The following TBCD variants were observed in gnomAD, a reference collection of about 807,000 sequenced individuals.
The protein encoded by TBCD is tubulin folding cofactor D.
TBCD carries 105 observed loss-of-function variants against 169.3 expected under a neutral mutation model. The observed-to-expected ratio is 0.62, with a 90% CI of 0.53 to 0.73. The LOEUF is 0.73. Ranked by LOEUF, TBCD falls within the 30% of genes least tolerant of loss-of-function variation. TBCD has a pLI of 0.00. For missense variants in TBCD, 1,444 were observed against 1,600.1 expected, an observed-to-expected ratio of 0.90 and a Z score of 1.66; for synonymous variants, 700 against 643.9, an observed-to-expected ratio of 1.09 and a Z score of -1.32.
intron 34 of TBCD, 149 bp downstream of exon 34, chr17:82,932,884 A>C: frequency 1.5e-6 from 1 of 688,734 alleles, no homozygotes; most frequent in East Asian, 2.7e-5. Flanking sequence ...AAATACCGTC[A>C]TCACAGCTGG....
intron 22 of TBCD, among the ~76,000 whole-genome samples, chr17:82,910,566 T>G (rs1333232715): frequency 6.6e-6 from 1 of 152,032 alleles, no homozygotes; most frequent in East Asian, 1.9e-4. Context: ...TCTTTTCTCT[T>G]AGTGACTTTT....
intron 9 of TBCD, among the ~76,000 whole-genome samples, chr17:82,804,738 C>T (rs906008380): frequency 9.2e-5 from 14 of 152,174 alleles, no homozygotes; most frequent in Non-Finnish European, 4.4e-5. Context: ...TCTCACCAGA[C>T]TCTGCGTATT....
intron 37 of TBCD, among the ~76,000 whole-genome samples, chr17:82,940,221 G>GCGCGCA (rs1356825330): frequency 3.2e-4 from 42 of 131,700 alleles, no homozygotes; most frequent in African/African-American, 9.7e-4. Flanking sequence ...TTGCACGCGC[G>GCGCGCA]CACACACACA....
At chr17:82,815,261 A>G (rs11871918) in intron 13 of TBCD, among the ~76,000 whole-genome samples, 1 of 152,200 alleles carries the variant, frequency 6.6e-6, no homozygotes, top group Non-Finnish European at 1.5e-5. Context: ...TTGGAGGGCC[A>G]CGAATCCTTG....
rs534910263 is a variant in TBCD, at chr17:82,845,319, C to A, written c.1319-24905C>A. The stretch of plus-strand genomic sequence containing the variant: ...CTCCGTCCATCCTGTCCGGCCTGGC[C>A]CCTTCCTCTCTGTCCTGTCTGGCCT... On this transcript the variant is annotated intron_variant, in intron 13 of 38. Coordinates refer to ENST00000355528, the MANE Select transcript of TBCD (RefSeq NM_005993.5). Among the ~76,000 whole-genome samples, 4 of 150,660 alleles carry A rather than the reference C, an allele frequency of 2.7e-5. No homozygotes were observed. In the South Asian group the frequency reaches 6.3e-4, roughly 24 times the overall value.
In TBCD at chr17:82,890,422, C is replaced by A. The variant is rs2059049208; in HGVS notation, c.1563+725C>A. 6.6e-6 allele frequency among the ~76,000 whole-genome samples: 1 copy of A among 152,110 alleles called. No homozygotes were observed. On this transcript the variant is annotated intron_variant, in intron 16 of 38. Coordinates refer to ENST00000355528, the MANE Select transcript of TBCD (RefSeq NM_005993.5). This position sits in a 1 kb window ranked among gnomAD's most constrained non-coding sequence, Gnocchi z 5.3. The stretch of plus-strand genomic sequence containing the variant: ...AATGCAGCCGGGGTCTGGGCTGTGG[C>A]CAGGTGGTGTGGGGCGGCATGGGGT...
At chr17:82,850,468 T>TTTTGC (rs1225718420) in intron 13 of TBCD, among the ~76,000 whole-genome samples, 148 of 140,616 alleles carry the variant, frequency 1.1e-3, no homozygotes, top group African/African-American at 2.0e-3. Context: ...GGCTGTGCTG[T>TTTTGC]TGTTGGCTGT....
Position 82,906,519 on chromosome 17 carries a change from A to C in TBCD, c.1922+466A>C, listed in dbSNP as rs140152503. Among the ~76,000 whole-genome samples the C allele has an allele frequency of 3.1e-3, 470 of 152,358 alleles. 3 individuals carry two copies. Among genetic ancestry groups the C allele is most frequent in the African/African-American group, 0.01 (431 of 41,580 alleles). On this transcript the variant is annotated intron_variant, in intron 20 of 38. Coordinates refer to ENST00000355528, the MANE Select transcript of TBCD (RefSeq NM_005993.5). Reference sequence around the variant, plus strand: ...TCAGTTGGCTATGTTTGTACAAATAATAATAAAGCATGAAAAACATGGGGT... The same window carrying C: ...TCAGTTGGCTATGTTTGTACAAATACTAATAAAGCATGAAAAACATGGGGT...
chr17:82,830,698 T>A (rs763169524), intron 13 of TBCD: 6 of 1,614,046 alleles, frequency 3.7e-6, no homozygotes, highest in Non-Finnish European at 5.1e-6. Flanking sequence ...GCTGGCGGTT[T>A]CCGCCTGGGG....
intron 34 of TBCD, 185 bp from the exon 35 acceptor site, chr17:82,937,086 C>T (rs1235810305): frequency 1.4e-5 from 8 of 590,332 alleles, no homozygotes; most frequent in African/African-American, 1.9e-5. Flanking sequence ...CGCTAGGGAC[C>T]AGGCCGGCCT....
rs548516407 is a variant in TBCD, at chr17:82,921,639, T to A, written c.2178+62T>A. ...GCGGTGTTAGTGTGTTAGTCACGGA[T>A]GGTGTTTGTGTTGGCGACTGTGCAT... On this transcript the variant is annotated intron_variant, in intron 25 of 38. Transcript: ENST00000355528. 3.0e-5 allele frequency: 45 copies of A among 1,516,172 alleles called. No homozygotes were observed. The African/African-American group carries it at 5.6e-4, about 19-fold the overall frequency. The allele number at this position is 1,516,172 out of a possible 1,614,324, so 93.9% of individuals were successfully genotyped here.
At chr17:82,867,780 C>T (rs2057280809) in intron 13 of TBCD, among the ~76,000 whole-genome samples, 1 of 152,222 alleles carries the variant, frequency 6.6e-6, no homozygotes, top group Non-Finnish European at 1.5e-5. Flanking sequence ...AAATGTTTGA[C>T]ATTTACAAGA....
chr17:82,942,371 A>G (rs556999437), intron 38 of TBCD, 78 bp from the exon 39 acceptor site: 1 of 1,603,970 alleles, frequency 6.2e-7, no homozygotes, highest in Non-Finnish European at 8.5e-7. Context: ...CACAGGGCCC[A>G]GAGGGGTGAG....
At chr17:82,802,142 G>A (rs867271454) in intron 9 of TBCD, among the ~76,000 whole-genome samples, 5 of 89,432 alleles carry the variant, frequency 5.6e-5, no homozygotes, top group African/African-American at 2.0e-4. Flanking sequence ...AAGTGAAACC[G>A]CCTTTCTTGC....
At chr17:82,779,492 G>A (rs1298793970) in intron 6 of TBCD, among the ~76,000 whole-genome samples, 3 of 152,214 alleles carry the variant, frequency 2.0e-5, no homozygotes. Context: ...CCCTAAGCAT[G>A]CTCCACAGGG....
intron 13 of TBCD, among the ~76,000 whole-genome samples, chr17:82,847,769 G>A (rs985943266): frequency 3.9e-5 from 6 of 152,068 alleles, no homozygotes; most frequent in African/African-American, 7.2e-5. Flanking sequence ...TCACAGTTGC[G>A]TGGTACCACG....
In TBCD at chr17:82,870,505, T is replaced by A; in HGVS notation, c.1475+125T>A. The A allele has an allele frequency of 6.1e-6, 8 of 1,308,962 alleles. No homozygotes were observed. In the South Asian group the frequency reaches 9.1e-5, roughly 15 times the overall value. The allele number at this position is 1,308,962 out of a possible 1,614,324, so 81.1% of individuals were successfully genotyped here. ...AAGGTGAAATTACTTGGCCAGAGGA[T>A]CTGTGACAAAGCCACCGCTTGGAGG... On this transcript the variant is annotated intron_variant, in intron 14 of 38. Coordinates refer to ENST00000355528, the MANE Select transcript of TBCD (RefSeq NM_005993.5).
In TBCD at chr17:82,766,303, C is replaced by T. The variant is rs1200519595; in HGVS notation, c.370C>T (p.His124Tyr). The change falls in exon 4 of 39, where the codon CAT (histidine) becomes TAT (tyrosine). Residue 124 changes from histidine to tyrosine, a missense_variant. By Grantham distance (83) the His-to-Tyr change is moderately conservative. Transcript: ENST00000355528. ...GYKTFLRLFP[H>Y]EVADVEPVLD... Reference sequence around the variant, plus strand: ...TAAAACATTTCTTCGTTTATTTCCTCATGAAGTTGCCGATGTAGAGCCTGT... The same window carrying T: ...TAAAACATTTCTTCGTTTATTTCCTTATGAAGTTGCCGATGTAGAGCCTGT... 7 of 1,613,206 alleles carry T rather than the reference C, an allele frequency of 4.3e-6. No homozygotes were observed. The East Asian group carries it at 1.1e-4, about 26-fold the overall frequency.
intron 21 of TBCD, 21 bp from the exon 22 acceptor site, chr17:82,909,264 C>T (rs1281703479): frequency 2.7e-6 from 4 of 1,490,860 alleles, no homozygotes; most frequent in East Asian, 2.5e-5. Context: ...CATTAAATAA[C>T]TTTCAGTTTT....
Sources: allele counts gnomAD v4.1 joint callset (sites outside exome capture counted in the v4.1 genomes callset), GRCh38; gene constraint gnomAD v4.1.1; non-coding constraint Gnocchi (gnomAD v3.1); transcripts MANE v1.5; gene names NCBI Gene and HGNC (gene_info 2026-07-23, HGNC 2026-07-21).